FAM135B: variants seen among roughly 807,000 people sequenced by gnomAD.
FAM135B encodes family with sequence similarity 135 member B, also known as protein FAM135B.
Under a neutral mutation model 127.7 loss-of-function variants are expected in FAM135B, and 43 were observed. The observed-to-expected ratio is 0.34, with a 90% CI of 0.26 to 0.43. The LOEUF is 0.43. Among genes scored for constraint, FAM135B ranks in the 20% least tolerant of loss-of-function variants. The probability of loss-of-function intolerance (pLI) is 1.00; values close to 1 mark genes in which losing one functional copy is unlikely to be tolerated. For missense variants in FAM135B, 1,558 were observed against 1,725.6 expected (o/e 0.90, Z 1.72); for synonymous variants, 670 against 665.1 (o/e 1.01, Z -0.11).
chr8:138,400,290 T>C (rs571645527), intron 1 of FAM135B, among the ~76,000 whole-genome samples: 53 of 152,200 alleles, frequency 3.5e-4, no homozygotes, highest in Admixed American at 1.1e-3. Context: ...GCAAGGCAAT[T>C]GATTCAGTCG....
At chr8:138,285,165 G>A (rs1186174561) in intron 3 of FAM135B, among the ~76,000 whole-genome samples, 1 of 56,852 alleles carries the variant, frequency 1.8e-5, no homozygotes, top group African/African-American at 7.5e-5. Flanking sequence ...TTTTTTTTTT[G>A]AGACAGAGTC....
At chr8:138,485,808 GA>G (rs1453601298) in intron 1 of FAM135B, among the ~76,000 whole-genome samples, 1 of 152,076 alleles carries the variant, frequency 6.6e-6, no homozygotes, top group Non-Finnish European at 1.5e-5. Flanking sequence ...GGCAATCAAA[GA>G]ACAGCAATAG....
intron 2 of FAM135B, among the ~76,000 whole-genome samples, chr8:138,357,083 A>G (rs895630614): frequency 7.2e-5 from 11 of 152,134 alleles, no homozygotes; most frequent in Middle Eastern, 3.2e-3. Flanking sequence ...ACAAAGCAAG[A>G]CAAGCAGCAA....
At chr8:138,429,099 T>A (rs1235204145) in intron 1 of FAM135B, among the ~76,000 whole-genome samples, 1 of 152,104 alleles carries the variant, frequency 6.6e-6, no homozygotes, top group African/African-American at 2.4e-5. Context: ...GGACAAAAAA[T>A]ATGGGTATCT....
At chr8:138,217,605 G>T (rs533930336) in intron 7 of FAM135B, among the ~76,000 whole-genome samples, 1 of 151,864 alleles carries the variant, frequency 6.6e-6, no homozygotes, top group South Asian at 2.1e-4. Flanking sequence ...TAATTTTTTT[G>T]TATTTTTAGT....
intron 1 of FAM135B, among the ~76,000 whole-genome samples, chr8:138,485,295 CA>C (rs1814941083): frequency 6.6e-6 from 1 of 152,138 alleles, no homozygotes; most frequent in African/African-American, 2.4e-5. Flanking sequence ...TAACCATTTC[CA>C]AAGCCACACA....
chr8:138,453,047 T>C lies in FAM135B; in HGVS notation c.-20+43624A>G, dbSNP rs369605873. 9.2e-5 allele frequency among the ~76,000 whole-genome samples: 14 copies of C among 152,154 alleles called. No homozygotes were observed. The East Asian group carries it at 9.7e-4, about 11-fold the overall frequency. ...TGGGAGAAGACTAGTAGCTCATGAATAGAATACAATATCAGGAAGTGGGGA... is the reference window on the plus strand; with the variant it reads ...TGGGAGAAGACTAGTAGCTCATGAACAGAATACAATATCAGGAAGTGGGGA... On this transcript the variant is annotated intron_variant, in intron 1 of 19. Transcript: ENST00000395297.
Position 138,205,068 on chromosome 8 carries a change from T to C in FAM135B, c.670-7399A>G, listed in dbSNP as rs114558511. ...TCTTGGTGATTCAGTGAGTTTTACA[T>C]TATTATCCCATTTTCACTGATAAGA... On this transcript the variant is annotated intron_variant, in intron 7 of 19. Coordinates refer to ENST00000395297, the MANE Select transcript of FAM135B (RefSeq NM_015912.4). 3.3e-3 allele frequency among the ~76,000 whole-genome samples: 500 copies of C among 152,344 alleles called. 2 individuals carry two copies. Among genetic ancestry groups the C allele is most frequent in the Middle Eastern group, 0.01 (3 of 294 alleles).
intron 11 of FAM135B, among the ~76,000 whole-genome samples, chr8:138,175,673 T>C (rs1420199863): frequency 6.6e-6 from 1 of 152,184 alleles, no homozygotes; most frequent in African/African-American, 2.4e-5. Flanking sequence ...GTCCTTTGTC[T>C]GTTTTTCCTC....
At chr8:138,448,461 A>T (rs920752356) in intron 1 of FAM135B, among the ~76,000 whole-genome samples, 1 of 152,204 alleles carries the variant, frequency 6.6e-6, no homozygotes, top group African/African-American at 2.4e-5. Flanking sequence ...AGATTAGATC[A>T]TAAGAGTGGA....
chr8:138,253,807 C>A (rs1233688051), intron 5 of FAM135B, among the ~76,000 whole-genome samples: 1 of 152,196 alleles, frequency 6.6e-6, no homozygotes, highest in Non-Finnish European at 1.5e-5. Flanking sequence ...TTACCTGATG[C>A]TAAAGAGGCC....
intron 2 of FAM135B, among the ~76,000 whole-genome samples, chr8:138,314,693 C>CAATAAATCAATAAATAAATAAATA (rs1554662780): frequency 3.3e-5 from 4 of 120,296 alleles, no homozygotes; most frequent in African/African-American, 1.2e-4. Flanking sequence ...CCCATCCCTA[C>CAATAAATCAATAAATAAATAAATA]AATAAATAAA....
intron 2 of FAM135B, among the ~76,000 whole-genome samples, chr8:138,334,235 T>C (rs1828389582): frequency 6.6e-6 from 1 of 152,154 alleles, no homozygotes; most frequent in South Asian, 2.1e-4. Context: ...ATCTCTCTCT[T>C]ATTGACCCAC....
chr8:138,230,263 A>T (rs1322722642), intron 7 of FAM135B, among the ~76,000 whole-genome samples: 2 of 152,178 alleles, frequency 1.3e-5, no homozygotes, highest in Non-Finnish European at 2.9e-5. Flanking sequence ...CAAGGGGAGC[A>T]GCCCTAGGCT....
intron 12 of FAM135B, among the ~76,000 whole-genome samples, 200 bp from the exon 13 acceptor site, chr8:138,153,416 C>G (rs1325582494): frequency 6.6e-6 from 1 of 152,110 alleles, no homozygotes; most frequent in African/African-American, 2.4e-5. Flanking sequence ...AAGTGAGGTA[C>G]CGGGTCCATC....
intron 3 of FAM135B, among the ~76,000 whole-genome samples, chr8:138,306,359 C>T (rs1454039959): frequency 6.7e-6 from 1 of 149,822 alleles, no homozygotes; most frequent in Non-Finnish European, 1.5e-5. Flanking sequence ...CATTTGAACC[C>T]GAAAGGTGGA....
At chr8:138,467,325 T>C (rs1194308011) in intron 1 of FAM135B, among the ~76,000 whole-genome samples, 1 of 152,214 alleles carries the variant, frequency 6.6e-6, no homozygotes, top group East Asian at 1.9e-4. Context: ...ATTTAACTTA[T>C]TGAAGGCCCT....
chr8:138,348,127 C>CTTTTTTTTTTT (rs58289442), intron 2 of FAM135B, among the ~76,000 whole-genome samples: 1 of 52,840 alleles, frequency 1.9e-5, no homozygotes, highest in Non-Finnish European at 3.1e-5. Flanking sequence ...TTTTCCTCCT[C>CTTTTTTTTTTT]TTTTTTTTTT....
intron 3 of FAM135B, among the ~76,000 whole-genome samples, chr8:138,285,997 A>G (rs573909054): frequency 6.6e-6 from 1 of 152,356 alleles, no homozygotes; most frequent in African/African-American, 2.4e-5. Context: ...AAGAGAACGG[A>G]GTTCCTGTCT....
Sources: allele counts gnomAD v4.1 joint callset (sites outside exome capture counted in the v4.1 genomes callset), GRCh38; gene constraint gnomAD v4.1.1; transcripts MANE v1.5; gene names NCBI Gene and HGNC (gene_info 2026-07-23, HGNC 2026-07-21).